The following RPS6KC1 variants were observed in gnomAD, a reference collection of about 807,000 sequenced individuals.
The protein encoded by RPS6KC1 is ribosomal protein S6 kinase C1.
A neutral mutation model predicts 103.8 loss-of-function variants in RPS6KC1; 54 were observed. That is an observed-to-expected ratio of 0.52 (90% CI 0.42 to 0.65). The LOEUF is 0.65. Among genes scored for constraint, RPS6KC1 ranks in the 30% least tolerant of loss-of-function variants. RPS6KC1 has a pLI of 0.00. For missense variants in RPS6KC1, 1,151 were observed against 1,253.8 expected (o/e 0.92, Z 1.24); for synonymous variants, 439 against 438.7 (o/e 1.00, Z -0.01).
chr1:213,235,981 G>T (rs1007091304), intron 10 of RPS6KC1, among the ~76,000 whole-genome samples: 3 of 150,684 alleles, frequency 2.0e-5, no homozygotes, highest in African/African-American at 7.3e-5. Context: ...CCACAGACGG[G>T]TACCTGGAGG....
At chr1:213,622,575 C>T in the RPS6KC1 span, among the ~76,000 whole-genome samples, 2 of 152,098 alleles carry the variant, frequency 1.3e-5, no homozygotes, top group East Asian at 1.9e-4. Context: ...GCACAGCTCA[C>T]GACTCCTGAG....
At chr1:213,344,156 C>G in the RPS6KC1 span, among the ~76,000 whole-genome samples, 1 of 151,990 alleles carries the variant, frequency 6.6e-6, no homozygotes, top group African/African-American at 2.4e-5. Context: ...GATACAAAAC[C>G]CAATTGCTAG....
chr1:213,058,922 ATCTCT>A (rs1364110784), intron 1 of RPS6KC1, among the ~76,000 whole-genome samples: 1 of 152,098 alleles, frequency 6.6e-6, no homozygotes, highest in African/African-American at 2.4e-5. Context: ...GTGTTCTCTG[ATCTCT>A]TCTATCAGCA....
the RPS6KC1 span, among the ~76,000 whole-genome samples, chr1:213,702,260 C>T: frequency 1.3e-5 from 2 of 151,704 alleles, no homozygotes; most frequent in Admixed American, 6.6e-5. Flanking sequence ...TAGTTTTATT[C>T]CATTTCAGTC....
chr1:213,418,651 C>T, the RPS6KC1 span, among the ~76,000 whole-genome samples: 1 of 152,246 alleles, frequency 6.6e-6, no homozygotes, highest in Non-Finnish European at 1.5e-5. Context: ...AATGAGGACT[C>T]TCTTCCCCAG....
At chr1:213,321,863 G>T in the RPS6KC1 span, among the ~76,000 whole-genome samples, 1 of 152,210 alleles carries the variant, frequency 6.6e-6, no homozygotes, top group African/African-American at 2.4e-5. Context: ...AAGGAAGCTA[G>T]CTGTGGGATG....
At chr1:213,614,839 G>A in the RPS6KC1 span, among the ~76,000 whole-genome samples, 1 of 152,174 alleles carries the variant, frequency 6.6e-6, no homozygotes, top group Non-Finnish European at 1.5e-5. Context: ...GTGATCCACA[G>A]GAGGAGATGC....
chr1:213,099,862 G>A (rs2081855371), intron 3 of RPS6KC1, among the ~76,000 whole-genome samples: 1 of 152,182 alleles, frequency 6.6e-6, no homozygotes, highest in East Asian at 1.9e-4. Context: ...ATGTACCACA[G>A]TCTGTTTATC....
the RPS6KC1 span, among the ~76,000 whole-genome samples, chr1:213,400,997 G>A: frequency 2.0e-5 from 3 of 152,076 alleles, no homozygotes; most frequent in African/African-American, 7.2e-5. Context: ...GTGAGCCACC[G>A]TGCTCGTCCC....
At chr1:213,087,587 A>G (rs759538592) in intron 3 of RPS6KC1, among the ~76,000 whole-genome samples, 1 of 152,216 alleles carries the variant, frequency 6.6e-6, no homozygotes, top group Non-Finnish European at 1.5e-5. Flanking sequence ...TTTCAGGAGT[A>G]TAGGGGGCTT....
At chr1:213,486,408 AT>A in the RPS6KC1 span, among the ~76,000 whole-genome samples, 1 of 152,014 alleles carries the variant, frequency 6.6e-6, no homozygotes, top group Admixed American at 6.6e-5. Context: ...GCTTGATTTT[AT>A]TTTTTTATTT....
chr1:213,452,336 A>AG, the RPS6KC1 span, among the ~76,000 whole-genome samples: 1 of 126,894 alleles, frequency 7.9e-6, no homozygotes, highest in African/African-American at 3.0e-5. Context: ...CATAACTAGG[A>AG]AAAAAAAAAA....
At chr1:213,233,035 AC>A (rs1484089035) in intron 10 of RPS6KC1, among the ~76,000 whole-genome samples, 17 of 152,302 alleles carry the variant, frequency 1.1e-4, no homozygotes, top group African/African-American at 3.6e-4. Context: ...TTTTTGTATA[AC>A]TATTGTACTT....
At chr1:213,058,139 G>C (rs375951075) in intron 1 of RPS6KC1, among the ~76,000 whole-genome samples, 2 of 147,460 alleles carry the variant, frequency 1.4e-5, no homozygotes, top group East Asian at 3.9e-4. Context: ...TTATTCGCAG[G>C]TGTGATCATA....
chr1:213,798,553 T>G, the RPS6KC1 span, among the ~76,000 whole-genome samples: 3 of 152,310 alleles, frequency 2.0e-5, 1 homozygote, highest in South Asian at 6.2e-4. Context: ...GTGGCTGAAC[T>G]GTGAAGCATG....
chr1:213,727,177 C>T, the RPS6KC1 span, among the ~76,000 whole-genome samples: 1 of 152,204 alleles, frequency 6.6e-6, no homozygotes, highest in African/African-American at 2.4e-5. Context: ...ATTCGGTAAA[C>T]ATCACAGAAG....
the RPS6KC1 span, among the ~76,000 whole-genome samples, chr1:213,720,896 C>A: frequency 6.6e-6 from 1 of 152,148 alleles, no homozygotes; most frequent in Non-Finnish European, 1.5e-5. Flanking sequence ...AGGTAGATCT[C>A]CCAATGCAGC....
the RPS6KC1 span, among the ~76,000 whole-genome samples, chr1:213,458,006 A>G: frequency 6.6e-6 from 1 of 152,166 alleles, no homozygotes; most frequent in African/African-American, 2.4e-5. Flanking sequence ...AATACTATCA[A>G]CTTTAATTTT....
the RPS6KC1 span, among the ~76,000 whole-genome samples, chr1:213,544,495 G>C: frequency 2.0e-5 from 3 of 152,236 alleles, no homozygotes; most frequent in African/African-American, 7.2e-5. Flanking sequence ...AGGGCATGCT[G>C]TGGCTGTTTG....
Sources: allele counts gnomAD v4.1 joint callset (sites outside exome capture counted in the v4.1 genomes callset), GRCh38; gene constraint gnomAD v4.1.1; transcripts MANE v1.5; gene names NCBI Gene and HGNC (gene_info 2026-07-23, HGNC 2026-07-21).